TBC1D19: variants seen among roughly 807,000 people sequenced by gnomAD.
TBC1D19 encodes the protein TBC1 domain family member 19, also known as TBC1 domain family, member 19.
In TBC1D19, 60 loss-of-function variants were observed where a neutral mutation model predicts 89.0. That is an observed-to-expected ratio of 0.67 (90% CI 0.55 to 0.84). The LOEUF (loss-of-function observed/expected upper bound fraction) is 0.84, where lower values mean the gene tolerates loss of function less well. TBC1D19 is among the 40% of genes least tolerant of loss of function. The pLI is 0.00. For missense variants in TBC1D19, 500 were observed against 610.8 expected (o/e 0.82, Z 1.91); for synonymous variants, 189 against 199.7 (o/e 0.95, Z 0.45).
chr4:26,589,761 C>A (rs1383400995), intron 1 of TBC1D19, among the ~76,000 whole-genome samples: 1 of 152,188 alleles, frequency 6.6e-6, no homozygotes, highest in Non-Finnish European at 1.5e-5. Flanking sequence ...ATCCCACCCC[C>A]AAAAGCAGTG....
the TBC1D19 span, among the ~76,000 whole-genome samples, chr4:26,799,310 C>G: frequency 2.6e-5 from 4 of 152,196 alleles, no homozygotes; most frequent in South Asian, 2.1e-4. Context: ...GTACTCCAGC[C>G]TGGGTGATGA....
intron 13 of TBC1D19, among the ~76,000 whole-genome samples, chr4:26,690,624 C>T (rs991222316): frequency 6.6e-6 from 1 of 152,154 alleles, no homozygotes; most frequent in East Asian, 1.9e-4. Flanking sequence ...ATAAATGGAA[C>T]AAGAAAGCCT....
rs1487600014 is a variant in TBC1D19 at position 26,584,215 on chromosome 4, C to G, written c.22C>G (p.Leu8Val). 2.5e-6 allele frequency: 4 copies of G among 1,612,280 alleles called. No homozygotes were observed. Among genetic ancestry groups the G allele is most frequent in the Non-Finnish European group, 2.5e-6 (3 of 1,179,524 alleles). ...GGAAATGTTGCAGGAGGAGTCGGAC[C>G]TCTCTCTCATTATTGCCCAGATAGT... MLQEESDLSLIIAQIVQK... is the reference protein window; with the variant it reads MLQEESDVSLIIAQIVQK... Residue 8 changes from leucine to valine, a missense_variant, in exon 1 of 21, where the codon CTC becomes GTC. Leu to Val is a conservative substitution (Grantham distance 32). Around this residue, in one of 2 missense-constraint regions of TBC1D19, gnomAD observed 280 missense variants for 291.7 expected, o/e 0.96. Transcript: ENST00000264866.
chr4:26,644,224 C>G (rs1441927493), intron 7 of TBC1D19, among the ~76,000 whole-genome samples: 1 of 152,128 alleles, frequency 6.6e-6, no homozygotes, highest in Non-Finnish European at 1.5e-5. Flanking sequence ...GCTTATCCAC[C>G]AAGATCAAGT....
chr4:26,595,449 G>A (rs1740147276), intron 1 of TBC1D19, among the ~76,000 whole-genome samples: 1 of 151,960 alleles, frequency 6.6e-6, no homozygotes, highest in African/African-American at 2.4e-5. Flanking sequence ...TTTCTTTTAT[G>A]GATTGTGCAT....
the TBC1D19 span, among the ~76,000 whole-genome samples, chr4:26,853,700 G>A: frequency 3.9e-5 from 6 of 152,066 alleles, no homozygotes; most frequent in Non-Finnish European, 8.8e-5. Flanking sequence ...ACCATGCCTG[G>A]CTAATTTTTG....
intron 13 of TBC1D19, 76 bp from the exon 14 acceptor site, chr4:26,717,857 C>T: frequency 8.2e-7 from 1 of 1,224,706 alleles, no homozygotes; most frequent in Non-Finnish European, 1.2e-6. Context: ...AAGGATGCCT[C>T]CTGAGTAGGA....
chr4:26,624,046 AT>A (rs1742234632), intron 4 of TBC1D19, among the ~76,000 whole-genome samples: 1 of 152,080 alleles, frequency 6.6e-6, no homozygotes, highest in Non-Finnish European at 1.5e-5. Context: ...GCATTTAAGA[AT>A]TTTTACTGTC....
intron 15 of TBC1D19, among the ~76,000 whole-genome samples, chr4:26,728,652 T>C (rs1341449109): frequency 6.6e-6 from 1 of 152,216 alleles, no homozygotes; most frequent in Non-Finnish European, 1.5e-5. Flanking sequence ...ATTGGGAATA[T>C]TGACCTTCTA....
chr4:26,767,935 G>T, the TBC1D19 span, among the ~76,000 whole-genome samples: 15 of 152,266 alleles, frequency 9.9e-5, no homozygotes, highest in African/African-American at 3.6e-4. Context: ...ACATAAAAAG[G>T]AGGAACCCAG....
chr4:26,655,518 A>T (rs536960423), intron 7 of TBC1D19, among the ~76,000 whole-genome samples: 100 of 152,210 alleles, frequency 6.6e-4, no homozygotes, highest in Non-Finnish European at 9.4e-4. Context: ...GGTGGGCTCC[A>T]CCCAGTTCGA....
chr4:26,625,963 A>G (rs1251283254), intron 4 of TBC1D19, among the ~76,000 whole-genome samples: 1 of 152,094 alleles, frequency 6.6e-6, no homozygotes, highest in Non-Finnish European at 1.5e-5. Context: ...TTTGGAAGGA[A>G]GTCACTACAT....
At chr4:26,651,069 G>A (rs1454782696) in intron 7 of TBC1D19, among the ~76,000 whole-genome samples, 13 of 152,208 alleles carry the variant, frequency 8.5e-5, no homozygotes, top group Non-Finnish European at 1.5e-5. Flanking sequence ...TGTTCCATTG[G>A]TCTATATCTC....
chr4:26,637,594 G>A (rs978394723), intron 5 of TBC1D19, among the ~76,000 whole-genome samples: 1 of 151,974 alleles, frequency 6.6e-6, no homozygotes, highest in Admixed American at 6.6e-5. Flanking sequence ...GGAGGGTCTC[G>A]ATCTCCTGAC....
At chr4:26,760,383 TAAA>T (rs1416914743), downstream of TBC1D19, among the ~76,000 whole-genome samples, 2 of 152,012 alleles carry the variant, frequency 1.3e-5, no homozygotes, top group African/African-American at 2.4e-5. Flanking sequence ...GGCAACATGG[TAAA>T]ACCACATCCC....
intron 8 of TBC1D19, among the ~76,000 whole-genome samples, chr4:26,665,616 ATTAAT>A (rs936658331): frequency 6.6e-6 from 1 of 152,052 alleles, no homozygotes; most frequent in Non-Finnish European, 1.5e-5. Flanking sequence ...GTACTTAAAA[ATTAAT>A]TTAAGTTGTT....
chr4:26,825,461 CA>C, the TBC1D19 span, among the ~76,000 whole-genome samples: 2 of 152,096 alleles, frequency 1.3e-5, no homozygotes, highest in Non-Finnish European at 2.9e-5. Flanking sequence ...CCTCATTAGT[CA>C]GTAATTTTTA....
At chr4:26,831,795 G>A in the TBC1D19 span, among the ~76,000 whole-genome samples, 16 of 152,040 alleles carry the variant, frequency 1.1e-4, no homozygotes, top group African/African-American at 3.9e-4. Context: ...GTTTTACCGT[G>A]TTAGCCAGAA....
chr4:26,822,365 T>C, the TBC1D19 span, among the ~76,000 whole-genome samples: 1 of 152,248 alleles, frequency 6.6e-6, no homozygotes, highest in African/African-American at 2.4e-5. Flanking sequence ...TGAATCATTT[T>C]GTTTGTTTTT....
Sources: gnomAD v4.1 joint callset for allele counts (sites outside exome capture counted in the v4.1 genomes callset) on GRCh38, gnomAD v4.1.1 for gene constraint, gnomAD v4.1.1 regional missense constraint, MANE v1.5 for transcripts, NCBI Gene and HGNC (gene_info 2026-07-23, HGNC 2026-07-21) for gene names.